The following RNF180 variants were observed in gnomAD, a reference collection of about 807,000 sequenced individuals.
The protein encoded by RNF180 is ring finger protein 180.
In RNF180, 38 loss-of-function variants were observed where a neutral mutation model predicts 59.2. The observed-to-expected ratio is 0.64, with a 90% CI of 0.50 to 0.84. RNF180 has a LOEUF of 0.84. RNF180 is among the 40% of genes least tolerant of loss of function. The pLI is 0.00. For synonymous variants in RNF180, 262 were observed against 240.3 expected, an observed-to-expected ratio of 1.09 and a Z score of -0.84; for missense variants, 705 against 700.9, an observed-to-expected ratio of 1.01 and a Z score of -0.07.
intron 5 of RNF180, among the ~76,000 whole-genome samples, chr5:64,264,041 C>CAT (rs1160623767): frequency 3.3e-5 from 5 of 152,060 alleles, no homozygotes; most frequent in Non-Finnish European, 7.4e-5. Context: ...CTTCAGTCTC[C>CAT]ATATAGTAGT....
At chr5:64,285,166 T>G (rs1357881160) in intron 5 of RNF180, among the ~76,000 whole-genome samples, 1 of 152,150 alleles carries the variant, frequency 6.6e-6, no homozygotes, top group Non-Finnish European at 1.5e-5. Flanking sequence ...TGTTTTCTGG[T>G]CCCTAGTGTT....
intron 5 of RNF180, among the ~76,000 whole-genome samples, chr5:64,239,487 G>A (rs1742665783): frequency 6.6e-6 from 1 of 152,116 alleles, no homozygotes. Context: ...TTTTTAAAAT[G>A]TGTCTGGTTT....
intron 7 of RNF180, among the ~76,000 whole-genome samples, chr5:64,360,227 G>A (rs181010262): frequency 1.3e-5 from 2 of 151,966 alleles, no homozygotes; most frequent in African/African-American, 4.8e-5. Context: ...ACCTTGGGCA[G>A]TATGGCCATT....
At position 64,369,790 on chromosome 5, in the gene RNF180, T is replaced by C. The variant is rs1373934521; in HGVS notation, c.1755T>C (p.Leu585=). Reference sequence around the variant, plus strand: ...TTGGATTCATTGTTTTCTGCTTTCTTTGCTATTTTTTCTTTCCGTTTTAGG... The same window carrying C: ...TTGGATTCATTGTTTTCTGCTTTCTCTGCTATTTTTTCTTTCCGTTTTAGG... ...WVIGFIVFCF[L]CYFFFPF The change falls in exon 8 of 8, where the codon CTT becomes CTC. Residue 585 remains leucine, a synonymous_variant. Transcript: ENST00000389100. The C allele has an allele frequency of 4.5e-5, 68 of 1,519,954 alleles. No individual in the cohort carries two copies. Among genetic ancestry groups the C allele is most frequent in the Non-Finnish European group, 5.6e-5 (64 of 1,134,880 alleles). 94.2% of individuals were successfully genotyped at this position (1,519,954 alleles called of 1,614,324 possible). A position where few individuals can be genotyped will look rare whatever the true frequency, so the allele number is the denominator to read the frequency against.
chr5:64,312,551 A>G (rs1215288689), intron 5 of RNF180, among the ~76,000 whole-genome samples: 1 of 152,142 alleles, frequency 6.6e-6, no homozygotes, highest in Non-Finnish European at 1.5e-5. Flanking sequence ...GACATTTAGC[A>G]TCAAAAACTG....
chr5:64,281,044 A>G (rs2112388662), intron 5 of RNF180, among the ~76,000 whole-genome samples: 1 of 152,168 alleles, frequency 6.6e-6, no homozygotes, highest in African/African-American at 2.4e-5. Flanking sequence ...CTGTATTCCT[A>G]GGTATTTTTG....
At chr5:64,285,680 A>C (rs1742245753) in intron 5 of RNF180, among the ~76,000 whole-genome samples, 1 of 152,172 alleles carries the variant, frequency 6.6e-6, no homozygotes, top group Non-Finnish European at 1.5e-5. Context: ...TGGGGCCCCC[A>C]CACAGGCCAG....
At chr5:64,277,344 G>A (rs1251551624) in intron 5 of RNF180, among the ~76,000 whole-genome samples, 3 of 152,168 alleles carry the variant, frequency 2.0e-5, no homozygotes, top group African/African-American at 7.2e-5. Flanking sequence ...ATGTATCTAA[G>A]TTAAAAACAA....
At chr5:64,366,801 T>A (rs1746467426) in intron 7 of RNF180, among the ~76,000 whole-genome samples, 1 of 151,518 alleles carries the variant, frequency 6.6e-6, no homozygotes, top group African/African-American at 2.4e-5. Context: ...ACGAAAGGGA[T>A]AGGAAACATA....
At chr5:64,289,190 C>T (rs561501732) in intron 5 of RNF180, among the ~76,000 whole-genome samples, 6 of 152,248 alleles carry the variant, frequency 3.9e-5, no homozygotes, top group African/African-American at 1.4e-4. Context: ...TGAGAAATCA[C>T]ATTTATTGAT....
chr5:64,235,354 A>G (rs1464607331), intron 5 of RNF180, among the ~76,000 whole-genome samples: 3 of 152,196 alleles, frequency 2.0e-5, no homozygotes, highest in Non-Finnish European at 2.9e-5. Flanking sequence ...ATTGATCACA[A>G]TCAAAAGAAT....
At chr5:64,216,397 CTTGT>C (rs1752629435) in intron 4 of RNF180, among the ~76,000 whole-genome samples, 1 of 152,096 alleles carries the variant, frequency 6.6e-6, no homozygotes, top group Non-Finnish European at 1.5e-5. Context: ...CTTACTAAAG[CTTGT>C]TTGTGATACT....
At chr5:64,315,844 A>AGG (rs756140106) in intron 5 of RNF180, among the ~76,000 whole-genome samples, 69 of 152,304 alleles carry the variant, frequency 4.5e-4, no homozygotes, top group Middle Eastern at 6.8e-3. Flanking sequence ...CATTATTAAA[A>AGG]GGGCAAAAAC....
At chr5:64,302,842 T>C (rs1743228171) in intron 5 of RNF180, among the ~76,000 whole-genome samples, 1 of 151,636 alleles carries the variant, frequency 6.6e-6, no homozygotes, top group Non-Finnish European at 1.5e-5. Context: ...CCACTTTTAA[T>C]TTATGAAGAG....
chr5:64,182,938 G>C (rs1750686008), intron 1 of RNF180, among the ~76,000 whole-genome samples: 1 of 152,198 alleles, frequency 6.6e-6, no homozygotes, highest in Non-Finnish European at 1.5e-5. Context: ...ACTGAATATA[G>C]ATCTTGACAT....
chr5:64,231,852 T>C (rs1742120011), intron 5 of RNF180, among the ~76,000 whole-genome samples: 1 of 152,222 alleles, frequency 6.6e-6, no homozygotes, highest in African/African-American at 2.4e-5. Context: ...CAAAAAGCTT[T>C]TGCAGCCACT....
intron 1 of RNF180, among the ~76,000 whole-genome samples, chr5:64,194,525 T>C (rs1751353708): frequency 6.6e-6 from 1 of 152,206 alleles, no homozygotes; most frequent in Admixed American, 6.5e-5. Flanking sequence ...TACCCAGTAA[T>C]GGGATGGCTG....
At chr5:64,341,562 CTG>C (rs1218841140) in intron 7 of RNF180, among the ~76,000 whole-genome samples, 2 of 152,142 alleles carry the variant, frequency 1.3e-5, no homozygotes, top group Non-Finnish European at 1.5e-5. Flanking sequence ...TTCTGGGAAA[CTG>C]TGGTCAGTCT....
intron 7 of RNF180, among the ~76,000 whole-genome samples, chr5:64,355,557 A>T (rs1037016714): frequency 3.9e-5 from 6 of 152,078 alleles, no homozygotes; most frequent in Admixed American, 6.6e-5. Context: ...AATGAAAAGG[A>T]TGATCTTCAA....
Sources: gnomAD v4.1 joint callset for allele counts (sites outside exome capture counted in the v4.1 genomes callset) on GRCh38, gnomAD v4.1.1 for gene constraint, MANE v1.5 for transcripts, NCBI Gene and HGNC (gene_info 2026-07-23, HGNC 2026-07-21) for gene names.